The following CNPY1 variants were observed in gnomAD, a reference collection of about 807,000 sequenced individuals.
CNPY1 encodes the protein protein canopy homolog 1.
In CNPY1, 14 loss-of-function variants were observed where a neutral mutation model predicts 14.4. The ratio of observed to expected loss-of-function variants is 0.97; its 90% CI spans 0.64 to 1.52. CNPY1 has a LOEUF of 1.52. CNPY1 is among the 40% of genes most tolerant of loss of function. CNPY1 has a pLI of 0.00. For synonymous variants in CNPY1, 43 were observed against 46.5 expected (o/e 0.92, Z 0.31); for missense variants, 129 against 131.5 (o/e 0.98, Z 0.09).
At chr7:155,503,769 G>A (rs1211791649) in intron 4 of CNPY1, among the ~76,000 whole-genome samples, 1 of 152,156 alleles carries the variant, frequency 6.6e-6, no homozygotes, top group Non-Finnish European at 1.5e-5. Context: ...CAGTGATGAT[G>A]CTTTTAAATG....
In CNPY1 at chr7:155,536,995, C is replaced by T. The variant is rs966924122; in HGVS notation, c.99+8836G>A. Among the ~76,000 whole-genome samples, 3 of 152,134 alleles carry T rather than the reference C, an allele frequency of 2.0e-5. No individual in the cohort carries two copies. The highest frequency in any genetic ancestry group is 7.2e-5 in the African/African-American group (3 of 41,416). On this transcript the variant is annotated intron_variant, in intron 2 of 4. Transcript: ENST00000636446. The surrounding 1 kb of genome is among the most constrained non-coding windows in gnomAD (Gnocchi z 4.1). ...AATAAATTAAAAATGTATACAACCCCCAGTCCTAGGGATGTAAGGACCAGA... is the reference window on the plus strand; with the variant it reads ...AATAAATTAAAAATGTATACAACCCTCAGTCCTAGGGATGTAAGGACCAGA...
In CNPY1 at chr7:155,536,563, C is replaced by T. The variant is rs1054067003; in HGVS notation, c.99+9268G>A. Reference sequence around the variant, plus strand: ...TGAGGACATGTGCTGGAGTCCCAGCCGTGGAACGTAGGCAGAAGCAAGGCC... The same window carrying T: ...TGAGGACATGTGCTGGAGTCCCAGCTGTGGAACGTAGGCAGAAGCAAGGCC... On this transcript the variant is annotated intron_variant, in intron 2 of 4. Coordinates refer to ENST00000636446, the MANE Select transcript of CNPY1 (RefSeq NM_001393663.1). This position sits in a 1 kb window ranked among gnomAD's most constrained non-coding sequence, Gnocchi z 4.1. Among the ~76,000 whole-genome samples the T allele has an allele frequency of 2.0e-5, 3 of 152,166 alleles. No individual in the cohort carries two copies. The highest frequency in any genetic ancestry group is 4.8e-5 in the African/African-American group (2 of 41,440).
At chr7:155,532,690 A>C (rs1251153263) in intron 2 of CNPY1, among the ~76,000 whole-genome samples, 1 of 101,208 alleles carries the variant, frequency 9.9e-6, no homozygotes, top group African/African-American at 5.3e-5. Context: ...CTCCTAAAAT[A>C]GGTTGCTGAG....
At chr7:155,527,624 G>A (rs997158065) in intron 2 of CNPY1, among the ~76,000 whole-genome samples, 5 of 123,516 alleles carry the variant, frequency 4.0e-5, no homozygotes, top group East Asian at 4.5e-4. Flanking sequence ...TTTTTTTTTT[G>A]TATTTTTTGT....
chr7:155,539,736 T>G (rs575965663), intron 2 of CNPY1, among the ~76,000 whole-genome samples: 13 of 152,254 alleles, frequency 8.5e-5, no homozygotes, highest in Admixed American at 7.8e-4. Flanking sequence ...GGGAGCCATA[T>G]GAAATATGAG....
At chr7:155,512,867 G>C (rs1434781963) in intron 2 of CNPY1, among the ~76,000 whole-genome samples, 1 of 152,170 alleles carries the variant, frequency 6.6e-6, no homozygotes, top group Non-Finnish European at 1.5e-5. Context: ...TCACATTGTA[G>C]CAAAGATTTT....
At chr7:155,508,749 A>G in intron 3 of CNPY1, 145 bp downstream of exon 3, 1 of 915,824 alleles carries the variant, frequency 1.1e-6, no homozygotes, top group Non-Finnish European at 1.7e-6. Flanking sequence ...CAGCAAGACA[A>G]CAAAGTCAGC....
At chr7:155,533,890 T>C (rs1863039) in intron 2 of CNPY1, 28,636 of 152,074 alleles carry the variant, frequency 0.19, 3,173 homozygotes, top group East Asian at 0.42. Flanking sequence ...CTTTTAATTT[T>C]GTGTCCCCCA....
intron 2 of CNPY1, among the ~76,000 whole-genome samples, chr7:155,534,330 C>T (rs571579591): frequency 1.7e-3 from 134 of 79,306 alleles, no homozygotes; most frequent in African/African-American, 4.8e-3. Context: ...TGCACACACA[C>T]GTGCACAGAG....
At chr7:155,525,341 C>A (rs141874765) in intron 2 of CNPY1, among the ~76,000 whole-genome samples, 97 of 152,176 alleles carry the variant, frequency 6.4e-4, no homozygotes, top group African/African-American at 2.0e-3. Context: ...CCATCACGGC[C>A]GGTTAATTTT....
intron 2 of CNPY1, among the ~76,000 whole-genome samples, chr7:155,537,383 A>G (rs1045771532): frequency 2.6e-5 from 4 of 151,950 alleles, no homozygotes; most frequent in African/African-American, 9.7e-5. Flanking sequence ...CAATTCAAGG[A>G]AGGGCCACAT....
chr7:155,516,639 G>A (rs760773877), intron 2 of CNPY1, among the ~76,000 whole-genome samples: 3 of 152,196 alleles, frequency 2.0e-5, no homozygotes, highest in Non-Finnish European at 4.4e-5. Flanking sequence ...CCTCCAGAAC[G>A]CTGGGTCACC....
intron 2 of CNPY1, among the ~76,000 whole-genome samples, chr7:155,532,200 C>T (rs1309998803): frequency 2.0e-5 from 3 of 152,176 alleles, no homozygotes; most frequent in Non-Finnish European, 2.9e-5. Context: ...GATGACAAAG[C>T]TAGCTTCGTG....
At position 155,536,725 on chromosome 7, in the gene CNPY1, G is replaced by T. The variant is rs1266988349; in HGVS notation, c.99+9106C>A. On this transcript the variant is annotated intron_variant, in intron 2 of 4. Transcript: ENST00000636446. This position sits in a 1 kb window ranked among gnomAD's most constrained non-coding sequence, Gnocchi z 4.1. Reference sequence around the variant, plus strand: ...GACAGAAGGGCCTGGGTCCCTGAATGACCAAGTGGAGCAGAGCCCCGTGCC... The same window carrying T: ...GACAGAAGGGCCTGGGTCCCTGAATTACCAAGTGGAGCAGAGCCCCGTGCC... Among the ~76,000 whole-genome samples the T allele has an allele frequency of 6.6e-6, 1 of 152,172 alleles. No individual in the cohort carries two copies. Among genetic ancestry groups the T allele is most frequent in the African/African-American group, 2.4e-5 (1 of 41,452 alleles).
chr7:155,530,445 C>T (rs927342561), intron 2 of CNPY1, among the ~76,000 whole-genome samples: 1 of 151,944 alleles, frequency 6.6e-6, no homozygotes, highest in Non-Finnish European at 1.5e-5. Flanking sequence ...GACCCCTGCA[C>T]CTGCCCAAGT....
At chr7:155,529,740 C>T (rs1796902002) in intron 2 of CNPY1, among the ~76,000 whole-genome samples, 1 of 151,720 alleles carries the variant, frequency 6.6e-6, no homozygotes, top group Non-Finnish European at 1.5e-5. Flanking sequence ...TACAAAGGTT[C>T]TATTTACAAA....
In CNPY1 at chr7:155,508,768, T is replaced by C. The variant is rs1479196990; in HGVS notation, c.303+126A>G. On this transcript the variant is annotated intron_variant, in intron 3 of 4. Transcript: ENST00000636446. ...AAGACAACAAAGTCAGCAGATGACATTTTAATGTGCATTTTGATGTTCCAT... is the reference window on the plus strand; with the variant it reads ...AAGACAACAAAGTCAGCAGATGACACTTTAATGTGCATTTTGATGTTCCAT... 4 of 1,045,238 alleles carry C rather than the reference T, an allele frequency of 3.8e-6. No individual in the cohort carries two copies. In the African/African-American group the frequency reaches 4.9e-5, roughly 13 times the overall value. 64.7% of individuals were successfully genotyped at this position (1,045,238 alleles called of 1,614,324 possible).
intron 2 of CNPY1, among the ~76,000 whole-genome samples, chr7:155,540,580 T>C (rs1290548621): frequency 1.3e-5 from 2 of 152,222 alleles, no homozygotes; most frequent in South Asian, 2.1e-4. Flanking sequence ...TGCTTTCTGT[T>C]TGAACTTTCC....
At chr7:155,530,150 G>T (rs1259807894) in intron 2 of CNPY1, among the ~76,000 whole-genome samples, 1 of 152,110 alleles carries the variant, frequency 6.6e-6, no homozygotes, top group Non-Finnish European at 1.5e-5. Context: ...TGCTTCACCG[G>T]ATTTGGGGCA....
Sources: gnomAD v4.1 joint callset for allele counts (sites outside exome capture counted in the v4.1 genomes callset) on GRCh38, gnomAD v4.1.1 for gene constraint, Gnocchi (gnomAD v3.1) non-coding constraint, MANE v1.5 for transcripts, NCBI Gene and HGNC (gene_info 2026-07-23, HGNC 2026-07-21) for gene names.